The following PARD3 variants were observed in gnomAD, a reference collection of about 807,000 sequenced individuals.
The protein encoded by PARD3 is partitioning defective 3 homolog.
Under a neutral mutation model 155.4 loss-of-function variants are expected in PARD3, and 75 were observed. That is an observed-to-expected ratio of 0.48 (90% CI 0.40 to 0.58). The LOEUF (loss-of-function observed/expected upper bound fraction) is 0.58, where lower values mean the gene tolerates loss of function less well. Among genes scored for constraint, PARD3 ranks in the 20% least tolerant of loss-of-function variants. The pLI is 0.00. For synonymous variants in PARD3, 576 were observed against 610.5 expected, an observed-to-expected ratio of 0.94 and a Z score of 0.83; for missense variants, 1,642 against 1,721.7, an observed-to-expected ratio of 0.95 and a Z score of 0.82.
intron 2 of PARD3, among the ~76,000 whole-genome samples, chr10:34,657,107 T>C (rs1368082355): frequency 6.6e-6 from 1 of 151,814 alleles, no homozygotes; most frequent in Non-Finnish European, 1.5e-5. Flanking sequence ...ATTGCATAAA[T>C]AAGAAAAGCC....
intron 2 of PARD3, among the ~76,000 whole-genome samples, chr10:34,545,141 C>T (rs1012875098): frequency 1.4e-4 from 22 of 152,210 alleles, no homozygotes; most frequent in Non-Finnish European, 1.3e-4. Flanking sequence ...TTTGATTCCT[C>T]TTTCATCAGA....
chr10:34,395,822 C>T (rs1367070621), intron 7 of PARD3, among the ~76,000 whole-genome samples: 1 of 23,850 alleles, frequency 4.2e-5, no homozygotes, highest in East Asian at 8.6e-4. Context: ...CCAACCTGGG[C>T]GACAGAGCGA....
intron 2 of PARD3, among the ~76,000 whole-genome samples, chr10:34,536,490 T>A (rs572100763): frequency 1.3e-5 from 2 of 152,352 alleles, no homozygotes; most frequent in South Asian, 4.1e-4. Flanking sequence ...TAAGCTCTTA[T>A]CTTTAATCTC....
At chr10:34,631,803 GC>G (rs1324556522) in intron 2 of PARD3, among the ~76,000 whole-genome samples, 1 of 152,122 alleles carries the variant, frequency 6.6e-6, no homozygotes, top group Non-Finnish European at 1.5e-5. Flanking sequence ...TTACCATGTT[GC>G]CCAAGCTGGT....
At chr10:34,411,278 T>C (rs1471140723) in intron 5 of PARD3, among the ~76,000 whole-genome samples, 1 of 152,192 alleles carries the variant, frequency 6.6e-6, no homozygotes, top group Non-Finnish European at 1.5e-5. Flanking sequence ...AGATTAAAGA[T>C]ATCATAGTGA....
chr10:34,132,243 T>C (rs1466503322), intron 22 of PARD3, among the ~76,000 whole-genome samples: 3 of 152,208 alleles, frequency 2.0e-5, no homozygotes, highest in Admixed American at 2.0e-4. Context: ...CGGCCTTCTT[T>C]TTGTATAGTA....
chr10:34,775,664 T>A (rs1839435285), intron 1 of PARD3, among the ~76,000 whole-genome samples: 1 of 152,112 alleles, frequency 6.6e-6, no homozygotes, highest in African/African-American at 2.4e-5. Flanking sequence ...GGTGCAAATA[T>A]AAAGGAAAGC....
chr10:34,179,166 GCGCACACACACACACACA>G (rs1252115985), intron 22 of PARD3, among the ~76,000 whole-genome samples: 1 of 131,236 alleles, frequency 7.6e-6, no homozygotes, highest in Non-Finnish European at 1.6e-5. Flanking sequence ...ATGTGCGTGC[GCGCACACACACACACACA>G]CACACACACA....
intron 1 of PARD3, 53 bp downstream of exon 1, chr10:34,814,823 C>T: frequency 7.7e-7 from 1 of 1,297,554 alleles, no homozygotes; most frequent in Non-Finnish European, 1.1e-6. Context: ...CATATTGATC[C>T]CGGCGCCGTC....
Position 34,115,805 on chromosome 10 carries a change from C to T in PARD3, c.3668+3808G>A, listed in dbSNP as rs1339991259. Among the ~76,000 whole-genome samples, 15 of 151,818 alleles carry T rather than the reference C, an allele frequency of 9.9e-5. No homozygotes were observed. The East Asian group carries it at 1.6e-3, about 16-fold the overall frequency. On this transcript the variant is annotated intron_variant, in intron 24 of 24. Transcript: ENST00000374788. ...TCGGCTCACTGCAAGCTCCGCCTCC[C>T]GGGTTCACACCATTCTCCTGCCTCA...
At chr10:34,542,202 GGTGTGT>G (rs1186576618) in intron 2 of PARD3, among the ~76,000 whole-genome samples, 1 of 65,704 alleles carries the variant, frequency 1.5e-5, no homozygotes, top group South Asian at 7.0e-4. Context: ...GGTTGTTTGG[GGTGTGT>G]GTGTGTGTGT....
At chr10:34,212,219 G>A (rs768559661) in intron 22 of PARD3, among the ~76,000 whole-genome samples, 113 of 151,976 alleles carry the variant, frequency 7.4e-4, no homozygotes, top group Non-Finnish European at 7.1e-4. Context: ...CCCCATCCCC[G>A]TGACTTTATT....
intron 2 of PARD3, among the ~76,000 whole-genome samples, chr10:34,660,868 C>T (rs1030754568): frequency 2.0e-5 from 3 of 152,116 alleles, no homozygotes; most frequent in Non-Finnish European, 1.5e-5. Flanking sequence ...AAACATCACA[C>T]AGAAATATTG....
chr10:34,596,939 T>C (rs1429130477), intron 2 of PARD3, among the ~76,000 whole-genome samples: 2 of 152,178 alleles, frequency 1.3e-5, no homozygotes, highest in African/African-American at 4.8e-5. Context: ...CTCCCAGCTG[T>C]AGACTTAAAT....
At chr10:34,532,687 C>T (rs1478159127) in intron 2 of PARD3, among the ~76,000 whole-genome samples, 1 of 152,194 alleles carries the variant, frequency 6.6e-6, no homozygotes, top group Non-Finnish European at 1.5e-5. Flanking sequence ...CTAACATTCA[C>T]TTAAATATCA....
intron 3 of PARD3, among the ~76,000 whole-genome samples, chr10:34,513,185 A>G (rs12245879): frequency 0.03 from 4,598 of 152,302 alleles, 230 homozygotes; most frequent in African/African-American, 0.1. Flanking sequence ...TGTAAAAGAT[A>G]ATATAGTTCC....
intron 22 of PARD3, among the ~76,000 whole-genome samples, chr10:34,193,167 C>A (rs141745690): frequency 2.6e-5 from 4 of 152,142 alleles, no homozygotes; most frequent in African/African-American, 4.8e-5. Flanking sequence ...ATTAGATGCA[C>A]GTTTCTCTCA....
chr10:34,163,775 G>A (rs1008614561), intron 22 of PARD3, among the ~76,000 whole-genome samples: 1 of 152,156 alleles, frequency 6.6e-6, no homozygotes, highest in African/African-American at 2.4e-5. Flanking sequence ...CCGTTACGGG[G>A]GAACTGCTCA....
chr10:34,552,358 C>T (rs772814849), intron 2 of PARD3, among the ~76,000 whole-genome samples: 3 of 152,214 alleles, frequency 2.0e-5, no homozygotes, highest in Non-Finnish European at 4.4e-5. Context: ...ACATCAGCCT[C>T]CCAAAGACTG....
Sources: allele counts gnomAD v4.1 joint callset (sites outside exome capture counted in the v4.1 genomes callset), GRCh38; gene constraint gnomAD v4.1.1; transcripts MANE v1.5; gene names NCBI Gene and HGNC (gene_info 2026-07-23, HGNC 2026-07-21).